MROH2B: variants seen among roughly 807,000 people sequenced by gnomAD.
MROH2B encodes maestro heat like repeat family member 2B.
MROH2B carries 177 observed loss-of-function variants against 208.6 expected under a neutral mutation model. The ratio of observed to expected loss-of-function variants is 0.85; its 90% CI spans 0.75 to 0.96. MROH2B has a LOEUF of 0.96. MROH2B is among the 40% of genes least tolerant of loss of function. MROH2B has a pLI of 0.00. For synonymous variants in MROH2B, 728 were observed against 659.0 expected, an observed-to-expected ratio of 1.10 and a Z score of -1.60; for missense variants, 2,002 against 1,878.7, an observed-to-expected ratio of 1.07 and a Z score of -1.21.
chr5:41,053,029 C>G (rs1164581336), intron 11 of MROH2B, among the ~76,000 whole-genome samples: 2 of 152,104 alleles, frequency 1.3e-5, no homozygotes, highest in Non-Finnish European at 2.9e-5. Context: ...CAGAAATGCT[C>G]TCTTTAGCCA....
chr5:41,020,308 T>C (rs1296807483), intron 24 of MROH2B, among the ~76,000 whole-genome samples: 1 of 152,208 alleles, frequency 6.6e-6, no homozygotes, highest in African/African-American at 2.4e-5. Context: ...ATATGTGACT[T>C]GCATTGTATT....
At chr5:41,051,117 T>G (rs1179089911) in intron 12 of MROH2B, 27 bp from the exon 13 acceptor site, 1 of 1,448,546 alleles carries the variant, frequency 6.9e-7, no homozygotes, top group South Asian at 1.4e-5. Flanking sequence ...ACAGGTGACT[T>G]GTTAATGACT....
intron 34 of MROH2B, among the ~76,000 whole-genome samples, chr5:41,006,226 A>G (rs764852450): frequency 6.6e-6 from 1 of 152,148 alleles, no homozygotes; most frequent in South Asian, 2.1e-4. Context: ...CAACAAACAT[A>G]TGGAAAAATG....
At chr5:41,069,333 T>C (rs1743908933) in intron 2 of MROH2B, among the ~76,000 whole-genome samples, 1 of 152,206 alleles carries the variant, frequency 6.6e-6, no homozygotes, top group Admixed American at 6.5e-5. Flanking sequence ...AATAGCATTA[T>C]AGATGAGCAG....
chr5:41,019,248 G>C lies in MROH2B; in HGVS notation c.2442-230C>G, dbSNP rs559581283. 3.4e-4 allele frequency among the ~76,000 whole-genome samples: 52 copies of C among 152,228 alleles called. 1 individual carries two copies. Among genetic ancestry groups the C allele is most frequent in the Admixed American group, 3.1e-3 (48 of 15,288 alleles). ...ACGCCTCCATTCTTTAGATTAGATT[G>C]ATGAACAAATCATCACTCACTTTGT... On this transcript the variant is annotated intron_variant, in intron 24 of 41. Transcript: ENST00000399564.
chr5:41,047,238 T>C (rs1579946439), intron 17 of MROH2B, among the ~76,000 whole-genome samples: 1 of 152,178 alleles, frequency 6.6e-6, no homozygotes, highest in African/African-American at 2.4e-5. Flanking sequence ...CTCCAAGAAG[T>C]TTATGGGTGA....
chr5:41,009,984 T>C lies in MROH2B; in HGVS notation c.3231A>G (p.Ile1077Met). Residue 1077 changes from isoleucine (I) to methionine (M), a missense_variant, in exon 31 of 42, where the codon ATA becomes ATG. By Grantham distance (10) the Ile-to-Met change is conservative (BLOSUM62 1). Coordinates refer to ENST00000399564, the MANE Select transcript of MROH2B (RefSeq NM_173489.5). ...FQFILEAISQIASFHMDTVVV... is the reference protein window; with the variant it reads ...FQFILEAISQMASFHMDTVVV... ...CAACTGTATCCATGTGAAAGCTGGC[T>C]ATCTGGGAGATGGCTTCTAGAATGA... The C allele has an allele frequency of 6.2e-7, 1 of 1,613,926 alleles. No individual in the cohort carries two copies. Among genetic ancestry groups the C allele is most frequent in the Non-Finnish European group, 8.5e-7 (1 of 1,179,826 alleles).
chr5:41,012,363 T>C (rs757452245), intron 30 of MROH2B, among the ~76,000 whole-genome samples: 1 of 152,184 alleles, frequency 6.6e-6, no homozygotes, highest in Non-Finnish European at 1.5e-5. Context: ...AAGAGACAGT[T>C]TGAACAGCTT....
chr5:41,004,665 T>G, intron 36 of MROH2B, 109 bp downstream of exon 36: 4 of 1,527,172 alleles, frequency 2.6e-6, no homozygotes, highest in Non-Finnish European at 1.8e-6. Flanking sequence ...ACTTCAGCAA[T>G]GTATCTGGAT....
chr5:41,059,478 G>C (rs1481293610), intron 6 of MROH2B, among the ~76,000 whole-genome samples: 2 of 152,018 alleles, frequency 1.3e-5, no homozygotes, highest in Non-Finnish European at 2.9e-5. Flanking sequence ...TTTTCTATCT[G>C]ATGTTTGATA....
chr5:41,020,589 C>T (rs771072506), intron 24 of MROH2B, among the ~76,000 whole-genome samples: 177 of 152,134 alleles, frequency 1.2e-3, no homozygotes, highest in Non-Finnish European at 2.2e-3. Flanking sequence ...GACATAGATG[C>T]CACTTAATAA....
intron 12 of MROH2B, 52 bp from the exon 13 acceptor site, chr5:41,051,142 C>T (rs570464099): frequency 4.1e-6 from 5 of 1,220,022 alleles, no homozygotes; most frequent in Admixed American, 7.5e-5. Flanking sequence ...AGGTTGGTCC[C>T]CTCTGACTTT....
At chr5:41,032,647 T>G in intron 24 of MROH2B, 95 bp downstream of exon 24, 1 of 967,648 alleles carries the variant, frequency 1.0e-6, no homozygotes, top group Admixed American at 2.1e-5. Context: ...GTTTTGGGAG[T>G]GTGTACTGAA....
chr5:41,002,023 A>G (rs1741413748), intron 37 of MROH2B, among the ~76,000 whole-genome samples: 5 of 152,180 alleles, frequency 3.3e-5, no homozygotes, highest in Admixed American at 3.3e-4. Flanking sequence ...CTCAGATGTG[A>G]CTTTGTATAA....
intron 24 of MROH2B, among the ~76,000 whole-genome samples, chr5:41,019,915 A>G (rs1396221365): frequency 6.6e-6 from 1 of 152,146 alleles, no homozygotes; most frequent in Non-Finnish European, 1.5e-5. Flanking sequence ...GAAAACACTG[A>G]TGGTTATATA....
chr5:41,002,334 A>G (rs1057381998), intron 37 of MROH2B, among the ~76,000 whole-genome samples: 1 of 152,234 alleles, frequency 6.6e-6, no homozygotes, highest in Non-Finnish European at 1.5e-5. Context: ...ACTTGAGAAC[A>G]TGGAGTCACA....
chr5:41,048,345 C>T lies in MROH2B; in HGVS notation c.1663G>A (p.Glu555Lys), dbSNP rs961516442. The change falls in exon 16 of 42, where the codon GAG becomes AAG. Residue 555 changes from glutamate (E) to lysine (K), a missense_variant. By Grantham distance (56) the Glu-to-Lys change is moderately conservative. Transcript: ENST00000399564. ...GTACCTTCCAGAGGCTGCAGAAGCT[C>T]AGGTAAACGTGTTTTCCATAGGTCT... ...LVDLWKTRLP[E>K]LLQPLEGKNI... 6.2e-7 allele frequency: 1 copy of T among 1,613,312 alleles called. No individual in the cohort carries two copies. The highest frequency in any genetic ancestry group is 8.5e-7 in the Non-Finnish European group (1 of 1,179,542).
intron 20 of MROH2B, 112 bp from the exon 21 acceptor site, chr5:41,039,000 G>T: frequency 1.0e-6 from 1 of 955,470 alleles, no homozygotes; most frequent in Non-Finnish European, 1.5e-6. Context: ...ACTGGACTGG[G>T]ATGATTCGAA....
intron 37 of MROH2B, among the ~76,000 whole-genome samples, chr5:41,003,173 C>T (rs942234749): frequency 6.6e-6 from 1 of 152,082 alleles, no homozygotes. Context: ...GTTGGCCAGG[C>T]TGGTCTCAAA....
Sources: allele counts gnomAD v4.1 joint callset (sites outside exome capture counted in the v4.1 genomes callset), GRCh38; gene constraint gnomAD v4.1.1; transcripts MANE v1.5; gene names NCBI Gene and HGNC (gene_info 2026-07-23, HGNC 2026-07-21).